The following SIRT3 variants were observed in gnomAD, a reference collection of about 807,000 sequenced individuals.
SIRT3 encodes the protein sirtuin 3.
In SIRT3, 26 loss-of-function variants were observed where a neutral mutation model predicts 33.5. The observed-to-expected ratio is 0.78, with a 90% confidence interval of 0.57 to 1.08. SIRT3 has a LOEUF of 1.08. Ranked by LOEUF, SIRT3 falls within the 50% of genes least tolerant of loss-of-function variation. The pLI is 0.00. For synonymous variants in SIRT3, 237 were observed against 222.1 expected, an observed-to-expected ratio of 1.07 and a Z score of -0.60; for missense variants, 585 against 530.1, an observed-to-expected ratio of 1.10 and a Z score of -1.02.
chr11:230,732 G>A, intron 3 of SIRT3, 180 bp from the exon 4 acceptor site: 1 of 401,958 alleles, frequency 2.5e-6, no homozygotes, highest in Non-Finnish European at 4.4e-6. Flanking sequence ...ACCAGAATAA[G>A]GCAGGGGAGC....
At position 216,649 on chromosome 11, in the gene SIRT3, T is replaced by C; in HGVS notation, c.*49A>G. 6.2e-7 allele frequency: 1 copy of C among 1,608,690 alleles called. No homozygotes were observed. The highest frequency in any genetic ancestry group is 1.1e-5 in the South Asian group (1 of 90,800). ...GCATGAGGTCTTGTCAGAATTGGGA[T>C]GTGGATGTCTCCTATGTTACCATTT... On this transcript the variant is annotated 3_prime_UTR_variant, in exon 7 of 7. Coordinates refer to ENST00000382743, the MANE Select transcript of SIRT3 (RefSeq NM_012239.6).
rs1340153501 is a variant in SIRT3, at chr11:236,156, C to T, written c.173G>A (p.Gly58Asp). The T allele has an allele frequency of 1.3e-6, 2 of 1,568,584 alleles. No homozygotes were observed. Among genetic ancestry groups the T allele is most frequent in the East Asian group, 4.8e-5 (2 of 41,742 alleles). Residue 58 changes from glycine (G) to aspartate (D), a missense_variant, in exon 1 of 7, where the codon GGT becomes GAT. Transcript: ENST00000382743. ...AGLRGSHGAR[G>D]EPLDPARPLQ... ...GGGGCGCGCCGGGTCCAAGGGCTCA[C>T]CGCGGGCCCCATGGCTGCCTCTCAG...
Position 236,074 on chromosome 11 carries a change from T to A in SIRT3, c.255A>T (p.Ala85=). The change falls in exon 1 of 7, where the codon GCA becomes GCT. Residue 85 remains alanine, a synonymous_variant. Transcript: ENST00000382743. ...VPRAFRRQPR[A]AAPSFFFSSI... ...TCGAAAAGAAGAAACTGGGAGCTGC[T>A]GCCCTCGGCTGCCTCCGGAATGCCC... 6.5e-7 allele frequency: 1 copy of A among 1,542,790 alleles called. No individual in the cohort carries two copies. Among genetic ancestry groups the A allele is most frequent in the Non-Finnish European group, 8.7e-7 (1 of 1,145,594 alleles).
At chr11:218,729 T>C (rs1855988491) in intron 6 of SIRT3, 103 bp downstream of exon 6, 1 of 1,569,622 alleles carries the variant, frequency 6.4e-7, no homozygotes, top group Non-Finnish European at 8.6e-7. Flanking sequence ...TCATCAGCTA[T>C]TACTGTTACT....
rs113575860 is a variant in SIRT3, at chr11:219,805, A to C, written c.970-764T>G. Among the ~76,000 whole-genome samples the C allele has an allele frequency of 5.2e-3, 791 of 152,320 alleles. 2 individuals carry two copies. The highest frequency in any genetic ancestry group is 0.018 in the African/African-American group (762 of 41,572). On this transcript the variant is annotated intron_variant, in intron 5 of 6. Coordinates refer to ENST00000382743, the MANE Select transcript of SIRT3 (RefSeq NM_012239.6). ...AGGGAAGAACGTTCTAGGCGTAAAA[A>C]CTGAAGTCAGATAAGGCAAAGGAAA... is the stretch of plus-strand genomic sequence containing the variant.
intron 1 of SIRT3, among the ~76,000 whole-genome samples, chr11:235,696 T>C (rs1159989801): frequency 5.3e-5 from 8 of 152,198 alleles, no homozygotes; most frequent in African/African-American, 4.8e-5. Context: ...AGTGGGAGTA[T>C]TAACCGCACA....
chr11:227,455 A>AAAC (rs147564804), intron 4 of SIRT3, among the ~76,000 whole-genome samples: 1 of 151,588 alleles, frequency 6.6e-6, no homozygotes, highest in Admixed American at 6.6e-5. Flanking sequence ...CAAAAAATCC[A>AAAC]AACAACAACA....
Position 230,427 on chromosome 11 carries a change from G to A in SIRT3, c.807+25C>T, listed in dbSNP as rs201662580. ...TCACCCCAACAGCAAACTGCAGAAG[G>A]ACAACCAACAGCAGGATAACTCACC... is the stretch of plus-strand genomic sequence containing the variant. On this transcript the variant is annotated intron_variant, in intron 4 of 6. Coordinates refer to ENST00000382743, the MANE Select transcript of SIRT3 (RefSeq NM_012239.6). 116 of 1,367,124 alleles carry A rather than the reference G, an allele frequency of 8.5e-5. No individual in the cohort carries two copies. The African/African-American group carries it at 1.4e-3, about 17-fold the overall frequency. The allele number at this position is 1,367,124 out of a possible 1,614,324, so 84.7% of individuals were successfully genotyped here. A position where few individuals can be genotyped will look rare whatever the true frequency, so the allele number is the denominator to read the frequency against.
chr11:231,201 G>C lies in SIRT3; in HGVS notation c.707-649C>G, dbSNP rs140055991. 5.8e-3 allele frequency among the ~76,000 whole-genome samples: 877 copies of C among 152,174 alleles called. 9 individuals carry two copies. Among genetic ancestry groups the C allele is most frequent in the Non-Finnish European group, 7.4e-3 (502 of 68,028 alleles). On this transcript the variant is annotated intron_variant, in intron 3 of 6. Coordinates refer to ENST00000382743, the MANE Select transcript of SIRT3 (RefSeq NM_012239.6). ...TGCCTGTAATCCCAGTGCTTTGGAA[G>C]GCCAAGGCAGGAGGATCACTTGAGG...
intron 5 of SIRT3, among the ~76,000 whole-genome samples, chr11:220,555 C>G (rs891874866): frequency 6.6e-6 from 1 of 152,072 alleles, no homozygotes; most frequent in Non-Finnish European, 1.5e-5. Flanking sequence ...AAAATCCGCA[C>G]CCCCCTCCAC....
At position 236,156 on chromosome 11, in the gene SIRT3, C is replaced by A. The variant is rs1340153501; in HGVS notation, c.173G>T (p.Gly58Val). 1 of 1,568,584 alleles carries A rather than the reference C, an allele frequency of 6.4e-7. No homozygotes were observed. The highest frequency in any genetic ancestry group is 8.6e-7 in the Non-Finnish European group (1 of 1,158,752). Reference sequence around the variant, plus strand: ...GGGGCGCGCCGGGTCCAAGGGCTCACCGCGGGCCCCATGGCTGCCTCTCAG... The same window carrying A: ...GGGGCGCGCCGGGTCCAAGGGCTCAACGCGGGCCCCATGGCTGCCTCTCAG... The part of the protein sequence containing the change: ...AGLRGSHGAR[G>V]EPLDPARPLQ... Residue 58 changes from glycine (G) to valine (V), a missense_variant, in exon 1 of 7, where the codon GGT becomes GTT. Physicochemically the swap from Gly to Val is moderately radical, Grantham distance 109. Coordinates refer to ENST00000382743, the MANE Select transcript of SIRT3 (RefSeq NM_012239.6).
rs1312297570 is a variant in SIRT3 at position 230,396 on chromosome 11, T to G, written c.807+56A>C. The G allele has an allele frequency of 6.6e-6, 7 of 1,056,222 alleles. No homozygotes were observed. In the East Asian group the frequency reaches 1.4e-4, roughly 22 times the overall value. 65.4% of individuals were successfully genotyped at this position (1,056,222 alleles called of 1,614,324 possible). On this transcript the variant is annotated intron_variant, in intron 4 of 6. Coordinates refer to ENST00000382743, the MANE Select transcript of SIRT3 (RefSeq NM_012239.6). Reference sequence around the variant, plus strand: ...GACAATGCTTATAAAATACCACTTTTCCAGATCACCCCAACAGCAAACTGC... The same window carrying G: ...GACAATGCTTATAAAATACCACTTTGCCAGATCACCCCAACAGCAAACTGC...
intron 5 of SIRT3, 63 bp from the exon 6 acceptor site, chr11:219,104 A>G: frequency 6.6e-7 from 1 of 1,524,210 alleles, no homozygotes; most frequent in Non-Finnish European, 8.8e-7. Context: ...AGGATGTTTC[A>G]TGCCACAGCC....
At chr11:232,180 C>T (rs557239277) in intron 3 of SIRT3, among the ~76,000 whole-genome samples, 80 of 152,182 alleles carry the variant, frequency 5.3e-4, no homozygotes, top group African/African-American at 1.8e-3. Context: ...TGAAGTGGCA[C>T]GATCTCGGCT....
chr11:236,075 GC>G lies in SIRT3; in HGVS notation c.253del (p.Ala85GlnfsTer44). 6.5e-7 allele frequency: 1 copy of G among 1,547,464 alleles called. No individual in the cohort carries two copies. Among genetic ancestry groups the G allele is most frequent in the Non-Finnish European group, 8.7e-7 (1 of 1,147,676 alleles). On this transcript the variant is annotated frameshift_variant, in exon 1 of 7. Coordinates refer to ENST00000382743, the MANE Select transcript of SIRT3 (RefSeq NM_012239.6). LOFTEE classifies it high-confidence loss of function. Reference sequence around the variant, plus strand: ...CGAAAAGAAGAAACTGGGAGCTGCTGCCCTCGGCTGCCTCCGGAATGCCCTG... The same window carrying G: ...CGAAAAGAAGAAACTGGGAGCTGCTGCCTCGGCTGCCTCCGGAATGCCCTG... ...VPRAFRRQPRAAAPSFFFSSI... is the reference protein window; with the variant it reads ...VPRAFRRQPRXAAPSFFFSSI...
chr11:233,684 TA>T, intron 1 of SIRT3, 150 bp from the exon 2 acceptor site: 1 of 702,732 alleles, frequency 1.4e-6, no homozygotes, highest in South Asian at 2.0e-5. Context: ...TCACCTTTCT[TA>T]GACGACTATT....
At chr11:228,309 T>G (rs879435352) in intron 4 of SIRT3, among the ~76,000 whole-genome samples, 2 of 152,240 alleles carry the variant, frequency 1.3e-5, no homozygotes, top group Non-Finnish European at 2.9e-5. Flanking sequence ...ATGAATGAGT[T>G]GACCAAAACA....
At chr11:236,402 C>G, upstream of SIRT3, 1 of 1,089,564 alleles carries the variant, frequency 9.2e-7, no homozygotes, top group Non-Finnish European at 1.1e-6. Context: ...GCCTCCCACC[C>G]CCGCCCCCGG....
chr11:236,001 G>A, intron 1 of SIRT3, 47 bp downstream of exon 1: 10 of 1,416,270 alleles, frequency 7.1e-6, no homozygotes, highest in South Asian at 1.5e-5. Flanking sequence ...AGTGGGCGAG[G>A]TGTCGACAAC....
Sources: allele counts gnomAD v4.1 joint callset (sites outside exome capture counted in the v4.1 genomes callset), GRCh38; gene constraint gnomAD v4.1.1; transcripts MANE v1.5; gene names NCBI Gene and HGNC (gene_info 2026-07-23, HGNC 2026-07-21).